CDK5RAP2: variants seen among roughly 807,000 people sequenced by gnomAD.
The protein encoded by CDK5RAP2 is CDK5 regulatory subunit-associated protein 2.
A neutral mutation model predicts 232.9 loss-of-function variants in CDK5RAP2; 147 were observed. The ratio of observed to expected loss-of-function variants is 0.63; its 90% CI spans 0.55 to 0.72. The LOEUF is 0.72. CDK5RAP2 is among the 30% of genes least tolerant of loss of function. CDK5RAP2 has a pLI of 0.00. For missense variants in CDK5RAP2, 2,195 were observed against 2,231.5 expected, an observed-to-expected ratio of 0.98 and a Z score of 0.33; for synonymous variants, 833 against 833.7, an observed-to-expected ratio of 1.00 and a Z score of 0.01.
intron 4 of CDK5RAP2, among the ~76,000 whole-genome samples, chr9:120,549,147 C>G (rs2041959620): frequency 9.5e-6 from 1 of 105,146 alleles, no homozygotes; most frequent in South Asian, 3.8e-4. Flanking sequence ...CAGACGGAGA[C>G]TCTGTCTCAA....
At chr9:120,550,944 A>T (rs775205865) in intron 3 of CDK5RAP2, 42 bp from the exon 4 acceptor site, 2 of 1,164,296 alleles carry the variant, frequency 1.7e-6, no homozygotes, top group Non-Finnish European at 2.6e-6. Flanking sequence ...CAAACAAAAG[A>T]CAGAGGGTCC....
At chr9:120,415,295 T>A in intron 27 of CDK5RAP2, 136 bp from the exon 28 acceptor site, 2 of 956,802 alleles carry the variant, frequency 2.1e-6, no homozygotes, top group Non-Finnish European at 3.2e-6. Context: ...AATTCTTTCC[T>A]AGGCATGGGG....
At chr9:120,450,999 G>C (rs2036452018) in intron 21 of CDK5RAP2, among the ~76,000 whole-genome samples, 1 of 152,202 alleles carries the variant, frequency 6.6e-6, no homozygotes. Context: ...AAGAGGGCTG[G>C]AAAATAACAA....
chr9:120,483,473 C>A (rs2038433670), intron 14 of CDK5RAP2, among the ~76,000 whole-genome samples: 1 of 152,242 alleles, frequency 6.6e-6, no homozygotes, highest in Non-Finnish European at 1.5e-5. Context: ...TCACCCTCCC[C>A]AAAGTGTGGC....
intron 7 of CDK5RAP2, 96 bp from the exon 8 acceptor site, chr9:120,530,236 T>C (rs911399099): frequency 2.3e-6 from 2 of 856,418 alleles, no homozygotes; most frequent in African/African-American, 1.7e-5. Context: ...ATCTTCAAAG[T>C]AGACATATAC....
intron 13 of CDK5RAP2, among the ~76,000 whole-genome samples, chr9:120,489,678 C>T (rs535634028): frequency 6.6e-6 from 1 of 152,214 alleles, no homozygotes; most frequent in South Asian, 2.1e-4. Flanking sequence ...TCTTTTTTGT[C>T]AGAGCCTTAT....
chr9:120,527,954 A>C, intron 9 of CDK5RAP2, 29 bp from the exon 10 acceptor site: 1 of 1,612,896 alleles, frequency 6.2e-7, no homozygotes, highest in Non-Finnish European at 8.5e-7. Context: ...AGATTCACTA[A>C]GTTGATGCGT....
At chr9:120,455,384 A>C (rs888592971) in intron 20 of CDK5RAP2, among the ~76,000 whole-genome samples, 23 of 151,828 alleles carry the variant, frequency 1.5e-4, no homozygotes, top group Admixed American at 5.9e-4. Context: ...AAAAAAAAAA[A>C]AAAAAACGAA....
chr9:120,468,272 G>A (rs546180587), intron 17 of CDK5RAP2, among the ~76,000 whole-genome samples: 148 of 152,298 alleles, frequency 9.7e-4, no homozygotes, highest in Non-Finnish European at 1.4e-3. Flanking sequence ...CATCTGTAGC[G>A]TTACTACGAG....
intron 10 of CDK5RAP2, among the ~76,000 whole-genome samples, chr9:120,525,398 T>C (rs1207680481): frequency 6.6e-6 from 1 of 152,220 alleles, no homozygotes; most frequent in Admixed American, 6.5e-5. Flanking sequence ...CAATTATTAC[T>C]GTCCATATAG....
intron 11 of CDK5RAP2, among the ~76,000 whole-genome samples, chr9:120,524,556 T>C (rs1441808839): frequency 1.3e-5 from 2 of 151,758 alleles, no homozygotes; most frequent in African/African-American, 2.4e-5. Context: ...GAAAATTGCC[T>C]GAACCCAGGA....
chr9:120,506,323 T>G (rs1034730166), intron 12 of CDK5RAP2, among the ~76,000 whole-genome samples: 4 of 152,240 alleles, frequency 2.6e-5, no homozygotes, highest in Non-Finnish European at 5.9e-5. Flanking sequence ...AAACAAAGAT[T>G]CCTTTAAAAA....
Position 120,545,662 on chromosome 9 carries a change from G to T in CDK5RAP2, c.383+52C>A. 3.7e-6 allele frequency: 5 copies of T among 1,366,606 alleles called. No individual in the cohort carries two copies. In the South Asian group the frequency reaches 4.6e-5, roughly 13 times the overall value. The allele number at this position is 1,366,606 out of a possible 1,614,324, so 84.7% of individuals were successfully genotyped here. A position where few individuals can be genotyped will look rare whatever the true frequency, so the allele number is the denominator to read the frequency against. Reference sequence around the variant, plus strand: ...GAAAAGTGTACGGCTCTATTTCACTGACCAACCCAGTGTGGGCGACTTGCA... The same window carrying T: ...GAAAAGTGTACGGCTCTATTTCACTTACCAACCCAGTGTGGGCGACTTGCA... On this transcript the variant is annotated intron_variant, in intron 5 of 37. Coordinates refer to ENST00000349780, the MANE Select transcript of CDK5RAP2 (RefSeq NM_018249.6).
chr9:120,508,678 C>T (rs2039943501), intron 12 of CDK5RAP2, among the ~76,000 whole-genome samples: 1 of 152,172 alleles, frequency 6.6e-6, no homozygotes, highest in African/African-American at 2.4e-5. Flanking sequence ...GCATTCCCAC[C>T]TCCCATTCCC....
At chr9:120,405,970 T>C (rs929048254) in intron 32 of CDK5RAP2, among the ~76,000 whole-genome samples, 2 of 152,212 alleles carry the variant, frequency 1.3e-5, no homozygotes, top group African/African-American at 4.8e-5. Context: ...TGAAAAAATA[T>C]GCAAATTTTA....
intron 3 of CDK5RAP2, among the ~76,000 whole-genome samples, chr9:120,560,537 C>T (rs1588658589): frequency 6.6e-6 from 1 of 152,218 alleles, no homozygotes; most frequent in African/African-American, 2.4e-5. Flanking sequence ...GACAGTATGG[C>T]ATCTTTCCTC....
chr9:120,442,698 T>C (rs922929890), intron 23 of CDK5RAP2, among the ~76,000 whole-genome samples: 5 of 152,226 alleles, frequency 3.3e-5, no homozygotes, highest in Non-Finnish European at 7.3e-5. Flanking sequence ...GTTCTACAAC[T>C]TTCCACAATT....
chr9:120,477,285 G>GT, intron 15 of CDK5RAP2, 65 bp downstream of exon 15: 1 of 1,124,022 alleles, frequency 8.9e-7, no homozygotes, highest in Non-Finnish European at 1.4e-6. Flanking sequence ...GGGTGTGTGC[G>GT]TGTATGCGCG....
intron 25 of CDK5RAP2, among the ~76,000 whole-genome samples, chr9:120,426,047 C>G (rs2034877378): frequency 1.3e-5 from 2 of 152,288 alleles, no homozygotes; most frequent in Admixed American, 1.3e-4. Flanking sequence ...GAGGGAAGAA[C>G]TGCTTTATAA....
Sources: allele counts gnomAD v4.1 joint callset (sites outside exome capture counted in the v4.1 genomes callset), GRCh38; gene constraint gnomAD v4.1.1; transcripts MANE v1.5; gene names NCBI Gene and HGNC (gene_info 2026-07-23, HGNC 2026-07-21).